The following CHRNA10 variants were observed in gnomAD, a reference collection of about 807,000 sequenced individuals.
CHRNA10 encodes cholinergic receptor nicotinic alpha 10 subunit, also known as neuronal acetylcholine receptor subunit alpha-10.
CHRNA10 carries 31 observed loss-of-function variants against 36.0 expected under a neutral mutation model. That is an observed-to-expected ratio of 0.86 (90% CI 0.65 to 1.16). The LOEUF (loss-of-function observed/expected upper bound fraction) is 1.16, where lower values mean the gene tolerates loss of function less well. Ranked by LOEUF, CHRNA10 falls within the 50% of genes most tolerant of loss-of-function variation. The pLI is 0.00. For synonymous variants in CHRNA10, 302 were observed against 287.0 expected (o/e 1.05, Z -0.53); for missense variants, 648 against 640.9 (o/e 1.01, Z -0.12).
chr11:3,667,562 CGCCGCGCG>C lies in CHRNA10; in HGVS notation c.557_564del (p.Pro186ArgfsTer149). 3.2e-6 allele frequency: 5 copies of C among 1,564,178 alleles called. No individual in the cohort carries two copies. Among genetic ancestry groups the C allele is most frequent in the Non-Finnish European group, 3.4e-6 (4 of 1,160,830 alleles). On this transcript the variant is annotated frameshift_variant, in exon 4 of 5. Coordinates refer to ENST00000250699, the MANE Select transcript of CHRNA10 (RefSeq NM_020402.4). LOFTEE classifies it high-confidence loss of function. Reference sequence around the variant, plus strand: ...ACGAAGTCCGCCAGGCTGGCTGCAGCGCCGCGCGGCCGCACATCCAGTTGGTGCCCGCC... The same window carrying C: ...ACGAAGTCCGCCAGGCTGGCTGCAGCGCCGCACATCCAGTTGGTGCCCGCC...
Position 3,667,596 on chromosome 11 carries a change from G to C in CHRNA10, c.531C>G (p.His177Gln), listed in dbSNP as rs546755450. The change falls in exon 4 of 5, where the codon CAC (histidine) becomes CAG (glutamine). Residue 177 changes from histidine (H) to glutamine (Q), a missense_variant. By Grantham distance (24) the His-to-Gln change is conservative. Transcript: ENST00000250699. ...GCCGCACATCCAGTTGGTGCCCGCC[G>C]TGAGTCCAGGAGCCGAACGTCAGGC... ...HCGLTFGSWTHGGHQLDVRPR... is the reference protein window; with the variant it reads ...HCGLTFGSWTQGGHQLDVRPR... 4 of 1,557,282 alleles carry C rather than the reference G, an allele frequency of 2.6e-6. No individual in the cohort carries two copies. The highest frequency in any genetic ancestry group is 1.7e-4 in the Middle Eastern group (1 of 5,924).
chr11:3,669,729 C>G (rs766283119), intron 2 of CHRNA10, 67 bp downstream of exon 2: 1 of 1,570,164 alleles, frequency 6.4e-7, no homozygotes, highest in South Asian at 1.1e-5. Context: ...ATCCCAGTCT[C>G]TCACCCCTTC....
Position 3,666,557 on chromosome 11 carries a change from G to GTAC in CHRNA10, c.900_902dup (p.Lys300_Tyr301insTer). The GTAC allele has an allele frequency of 6.5e-7, 1 of 1,531,092 alleles. No homozygotes were observed. The highest frequency in any genetic ancestry group is 8.8e-7 in the Non-Finnish European group (1 of 1,138,956). The allele number at this position is 1,531,092 out of a possible 1,614,324, so 94.8% of individuals were successfully genotyped here. On this transcript the variant is annotated stop_gained, in exon 5 of 5. Coordinates refer to ENST00000250699, the MANE Select transcript of CHRNA10 (RefSeq NM_020402.4). LOFTEE classifies it high-confidence loss of function. The stretch of plus-strand genomic sequence containing the variant: ...TGACCATGGTCATAGTGGCCATGTA[G>GTAC]TACTTCCCTGCAAGAGAGAGAGAAA...
intron 1 of CHRNA10, chr11:3,670,962 T>G (rs2077709189): frequency 4.1e-6 from 2 of 491,400 alleles, no homozygotes; most frequent in Non-Finnish European, 7.4e-6. Context: ...CTCCCCGTCA[T>G]CTGCAGGAGA....
Position 3,667,642 on chromosome 11 carries a change from G to T in CHRNA10, c.485C>A (p.Pro162Gln), listed in dbSNP as rs374749795. The change falls in exon 4 of 5, where the codon CCG becomes CAG. Residue 162 changes from proline to glutamine, a missense_variant. By Grantham distance (76) the Pro-to-Gln change is moderately conservative. Coordinates refer to ENST00000250699, the MANE Select transcript of CHRNA10 (RefSeq NM_020402.4). ...SSCRVDVAAF[P>Q]FDAQHCGLTF... is the part of the protein sequence containing the mutation. ...CAGGCCGCAGTGCTGGGCGTCGAAC[G>T]GGAAGGCTGCTACATCCACGCGGCA... The T allele has an allele frequency of 3.6e-4, 562 of 1,559,136 alleles. No homozygotes were observed. Among genetic ancestry groups the T allele is most frequent in the Non-Finnish European group, 4.5e-4 (522 of 1,157,338 alleles).
rs773514004 is a variant in CHRNA10, at chr11:3,666,181, C to T, written c.1279G>A (p.Asp427Asn). ...AAGAAGATGGCCAGGAAGAAGCGGT[C>T]CATCACACGGGCCAGGCGCTTCCAG... ...EDWKRLARVM[D>N]RFFLAIFFSM... Residue 427 changes from aspartate (D) to asparagine (N), a missense_variant, in exon 5 of 5, where the codon GAC (aspartate) becomes AAC (asparagine). Asp to Asn is a conservative substitution (Grantham distance 23). Transcript: ENST00000250699. 3 of 1,611,762 alleles carry T rather than the reference C, an allele frequency of 1.9e-6. No homozygotes were observed. The highest frequency in any genetic ancestry group is 1.7e-6 in the Non-Finnish European group (2 of 1,179,004).
At chr11:3,667,877 C>T (rs1390987930) in intron 3 of CHRNA10, 113 bp from the exon 4 acceptor site, 7 of 940,772 alleles carry the variant, frequency 7.4e-6, no homozygotes, top group Non-Finnish European at 1.0e-5. Flanking sequence ...AACTTCTCCC[C>T]AGAATATTGA....
chr11:3,669,485 C>G, intron 2 of CHRNA10, 135 bp from the exon 3 acceptor site: 1 of 1,097,116 alleles, frequency 9.1e-7, no homozygotes, highest in Non-Finnish European at 1.3e-6. Context: ...CCCACCCAGA[C>G]CTGACCTTGC....
intron 3 of CHRNA10, 148 bp from the exon 4 acceptor site, chr11:3,667,912 C>A (rs1384097286): frequency 5.7e-6 from 4 of 698,184 alleles, no homozygotes; most frequent in Non-Finnish European, 2.2e-6. Context: ...GAGACACTCA[C>A]GACGCAGGGG....
rs756336483 is a variant in CHRNA10 at position 3,667,647 on chromosome 11, G to A, written c.480C>T (p.Ala160=). Residue 160 remains alanine (A), a synonymous_variant, in exon 4 of 5, where the codon GCC becomes GCT. Transcript: ENST00000250699. ...CGCAGTGCTGGGCGTCGAACGGGAA[G>A]GCTGCTACATCCACGCGGCACGAGC... The part of the protein sequence containing the change: ...TRSSCRVDVA[A]FPFDAQHCGL... 13 of 1,560,108 alleles carry A rather than the reference G, an allele frequency of 8.3e-6. No individual in the cohort carries two copies. The Admixed American group carries it at 2.2e-4, about 26-fold the overall frequency.
At chr11:3,669,487 T>G in intron 2 of CHRNA10, 137 bp from the exon 3 acceptor site, 1 of 1,098,670 alleles carries the variant, frequency 9.1e-7, no homozygotes, top group Non-Finnish European at 1.3e-6. Context: ...CACCCAGACC[T>G]GACCTTGCCA....
Position 3,667,590 on chromosome 11 carries a change from C to T in CHRNA10, c.537G>A (p.Gly179=). 1 of 1,556,128 alleles carries T rather than the reference C, an allele frequency of 6.4e-7. No homozygotes were observed. Among genetic ancestry groups the T allele is most frequent in the East Asian group, 2.4e-5 (1 of 41,854 alleles). ...GLTFGSWTHG[G]HQLDVRPRGA... Reference sequence around the variant, plus strand: ...CGCGCGGCCGCACATCCAGTTGGTGCCCGCCGTGAGTCCAGGAGCCGAACG... The same window carrying T: ...CGCGCGGCCGCACATCCAGTTGGTGTCCGCCGTGAGTCCAGGAGCCGAACG... Residue 179 remains glycine, a synonymous_variant, in exon 4 of 5, where the codon GGG becomes GGA. Coordinates refer to ENST00000250699, the MANE Select transcript of CHRNA10 (RefSeq NM_020402.4).
intron 1 of CHRNA10, among the ~76,000 whole-genome samples, chr11:3,670,907 C>T (rs1393402732): frequency 6.6e-6 from 1 of 152,234 alleles, no homozygotes; most frequent in Non-Finnish European, 1.5e-5. Flanking sequence ...CGCTTTTAAG[C>T]ATGCACATCT....
Position 3,669,222 on chromosome 11 carries a change from C to A in CHRNA10, c.336G>T (p.Trp112Cys). The change falls in exon 3 of 5, where the codon TGG becomes TGT. Residue 112 changes from tryptophan to cysteine, a missense_variant. Coordinates refer to ENST00000250699, the MANE Select transcript of CHRNA10 (RefSeq NM_020402.4). ...TGTTATAGAGTACGATGTCTGGCCG[C>A]CACACAAGACTGCTGGGGATGCGGA... is the stretch of plus-strand genomic sequence containing the variant. The part of the protein sequence containing the change: ...DAIRIPSSLV[W>C]RPDIVLYNKA... The A allele has an allele frequency of 6.2e-7, 1 of 1,613,830 alleles. No homozygotes were observed. The highest frequency in any genetic ancestry group is 8.5e-7 in the Non-Finnish European group (1 of 1,179,886).
chr11:3,670,588 C>T (rs776614201), intron 1 of CHRNA10, among the ~76,000 whole-genome samples: 6 of 152,178 alleles, frequency 3.9e-5, no homozygotes, highest in Non-Finnish European at 8.8e-5. Flanking sequence ...AATATGAACT[C>T]GCTTCCTCCC....
At chr11:3,666,825 C>G (rs1465426337) in intron 4 of CHRNA10, among the ~76,000 whole-genome samples, 1 of 152,110 alleles carries the variant, frequency 6.6e-6, no homozygotes, top group Non-Finnish European at 1.5e-5. Flanking sequence ...AGGACAGTCC[C>G]GCTCTCAAAT....
chr11:3,671,365 C>G lies in CHRNA10; in HGVS notation c.-53G>C. ...GGTCTCTGGATGTGAGGCCTCCTGG[C>G]CAGACCTAGGGCAAAATTAGGCCCA... On this transcript the variant is annotated 5_prime_UTR_variant, in exon 1 of 5. Transcript: ENST00000250699. 1 of 1,595,826 alleles carries G rather than the reference C, an allele frequency of 6.3e-7. No individual in the cohort carries two copies. The highest frequency in any genetic ancestry group is 8.6e-7 in the Non-Finnish European group (1 of 1,164,816).
intron 1 of CHRNA10, 97 bp from the exon 2 acceptor site, chr11:3,670,038 A>T: frequency 1.5e-6 from 2 of 1,357,316 alleles, no homozygotes; most frequent in Non-Finnish European, 2.1e-6. Flanking sequence ...TGTCCTTATG[A>T]GTGTCCTCCT....
chr11:3,666,715 C>T, intron 4 of CHRNA10, 151 bp from the exon 5 acceptor site: 1 of 619,646 alleles, frequency 1.6e-6, no homozygotes, highest in Non-Finnish European at 2.7e-6. Context: ...GAGGTAAGGG[C>T]CGAGTTCTCC....
Sources: allele counts gnomAD v4.1 joint callset (sites outside exome capture counted in the v4.1 genomes callset), GRCh38; gene constraint gnomAD v4.1.1; transcripts MANE v1.5; gene names NCBI Gene and HGNC (gene_info 2026-07-23, HGNC 2026-07-21).